The following NRG1 variants were observed in gnomAD, a reference collection of about 807,000 sequenced individuals.
NRG1 encodes the protein neuregulin 1.
NRG1 carries 18 observed loss-of-function variants against 63.8 expected under a neutral mutation model. The ratio of observed to expected loss-of-function variants is 0.28; its 90% CI spans 0.19 to 0.42. NRG1 has a LOEUF of 0.42. NRG1 is among the 10% of genes least tolerant of loss of function. NRG1 has a pLI of 1.00. For synonymous variants in NRG1, 302 were observed against 301.3 expected (o/e 1.00, Z -0.02); for missense variants, 762 against 814.7 (o/e 0.94, Z 0.79).
chr8:31,988,364 G>A (rs1242374890), intron 1 of NRG1, among the ~76,000 whole-genome samples: 1 of 151,978 alleles, frequency 6.6e-6, no homozygotes, highest in Admixed American at 6.6e-5. Context: ...AAAACTACTG[G>A]GTCCTCAATT....
chr8:32,193,704 T>C (rs184705712), intron 1 of NRG1, among the ~76,000 whole-genome samples: 1 of 152,092 alleles, frequency 6.6e-6, no homozygotes, highest in African/African-American at 2.4e-5. Context: ...TAACTCAGAA[T>C]AGAACCTTAT....
At chr8:32,362,803 A>C (rs961210615) in intron 1 of NRG1, among the ~76,000 whole-genome samples, 9 of 152,184 alleles carry the variant, frequency 5.9e-5, no homozygotes, top group Non-Finnish European at 1.3e-4. Flanking sequence ...TCTAATGAAA[A>C]ATCAGAAAAG....
chr8:32,165,157 G>A (rs963761741), intron 1 of NRG1, among the ~76,000 whole-genome samples: 1 of 148,546 alleles, frequency 6.7e-6, no homozygotes, highest in Non-Finnish European at 1.5e-5. Flanking sequence ...TTTTTTTTCA[G>A]AGACAGTATC....
In NRG1 at chr8:32,530,385, G is replaced by A. The variant is rs377001031; in HGVS notation, c.38-65443G>A. On this transcript the variant is annotated intron_variant, in intron 1 of 10. Transcript: ENST00000519301. The stretch of plus-strand genomic sequence containing the variant: ...GCCTCCCAAAGTGCTGGGATTACAG[G>A]CGTGAGCCACCGCGCCCAGCCAGCT... Among the ~76,000 whole-genome samples, 119 of 152,252 alleles carry A rather than the reference G, an allele frequency of 7.8e-4. 1 individual carries two copies. The highest frequency in any genetic ancestry group is 2.6e-3 in the African/African-American group (110 of 41,546).
At chr8:32,746,740 G>A (rs909970027) in intron 7 of NRG1, among the ~76,000 whole-genome samples, 9 of 152,060 alleles carry the variant, frequency 5.9e-5, no homozygotes, top group Non-Finnish European at 1.2e-4. Context: ...TTTGAAAAAT[G>A]TAGTGGCTAG....
At chr8:31,678,088 GTTAT>G (rs56884285) in intron 1 of NRG1, among the ~76,000 whole-genome samples, 26 of 150,082 alleles carry the variant, frequency 1.7e-4, no homozygotes, top group Non-Finnish European at 3.0e-4. Context: ...CTTTTAACTT[GTTAT>G]TTATTTATTT....
chr8:31,765,248 T>C (rs1399086012), intron 1 of NRG1, among the ~76,000 whole-genome samples: 1 of 152,156 alleles, frequency 6.6e-6, no homozygotes, highest in Non-Finnish European at 1.5e-5. Context: ...TTTGGGCTTT[T>C]CTAAACAGAA....
At chr8:32,364,266 G>A (rs1297683256) in intron 1 of NRG1, among the ~76,000 whole-genome samples, 4 of 151,678 alleles carry the variant, frequency 2.6e-5, no homozygotes, top group East Asian at 1.9e-4. Flanking sequence ...TTGCACAAAA[G>A]GTACAAGAAA....
intron 1 of NRG1, among the ~76,000 whole-genome samples, chr8:32,112,556 A>AT (rs1393883437): frequency 6.6e-6 from 1 of 152,186 alleles, no homozygotes; most frequent in East Asian, 1.9e-4. Flanking sequence ...TTCATTCTTG[A>AT]TAGTGAATTG....
At chr8:32,450,750 A>G (rs1820850460) in intron 1 of NRG1, among the ~76,000 whole-genome samples, 1 of 152,200 alleles carries the variant, frequency 6.6e-6, no homozygotes. Flanking sequence ...ATGAAGACAG[A>G]ATTCAATGAA....
intron 1 of NRG1, among the ~76,000 whole-genome samples, chr8:32,463,782 G>A (rs12542857): frequency 0.57 from 86,175 of 150,458 alleles, 25,074 homozygotes; most frequent in East Asian, 0.89. Flanking sequence ...TCAAGGCTAC[G>A]GTAAGCCATG....
At chr8:31,864,311 T>C (rs1338576219) in intron 1 of NRG1, among the ~76,000 whole-genome samples, 1 of 152,166 alleles carries the variant, frequency 6.6e-6, no homozygotes, top group African/African-American at 2.4e-5. Flanking sequence ...TACCTCTTAG[T>C]GCAGTAGAGA....
intron 1 of NRG1, among the ~76,000 whole-genome samples, chr8:31,651,764 G>A (rs1204240880): frequency 1.3e-5 from 2 of 152,136 alleles, no homozygotes; most frequent in Non-Finnish European, 2.9e-5. Flanking sequence ...GGATGGGCAG[G>A]GCTTAGCTGG....
At chr8:32,232,515 T>A (rs1244551546) in intron 1 of NRG1, among the ~76,000 whole-genome samples, 2 of 152,126 alleles carry the variant, frequency 1.3e-5, no homozygotes, top group Admixed American at 6.5e-5. Context: ...AGCATAGAGT[T>A]GCTGGGATAT....
intron 1 of NRG1, among the ~76,000 whole-genome samples, chr8:31,762,083 T>G (rs1346672880): frequency 6.6e-6 from 1 of 152,218 alleles, no homozygotes; most frequent in Non-Finnish European, 1.5e-5. Flanking sequence ...ATTTCTTTTC[T>G]TTTTTTAAAA....
chr8:31,833,938 G>A lies in NRG1; in HGVS notation c.37+194507G>A, dbSNP rs539702123. On this transcript the variant is annotated intron_variant, in intron 1 of 10. Coordinates refer to the NRG1 transcript ENST00000519301. ...TTTTAAGCATTTTGGCAAATCAATA[G>A]GGGAGATATTTTCAAACCAGCATGA... Among the ~76,000 whole-genome samples the A allele has an allele frequency of 8.5e-5, 13 of 152,266 alleles. No homozygotes were observed. The South Asian group carries it at 2.7e-3, about 32-fold the overall frequency.
At chr8:32,398,766 G>T (rs1812780949) in intron 1 of NRG1, among the ~76,000 whole-genome samples, 1 of 152,124 alleles carries the variant, frequency 6.6e-6, no homozygotes, top group Non-Finnish European at 1.5e-5. Flanking sequence ...ATGCTGAACA[G>T]TTGGCCTGGG....
chr8:31,991,303 TTCC>T (rs1563656252), intron 1 of NRG1, among the ~76,000 whole-genome samples: 1 of 151,610 alleles, frequency 6.6e-6, no homozygotes, highest in African/African-American at 2.4e-5. Context: ...CTTCTTCTTC[TTCC>T]TCCTCTTCTT....
At chr8:32,484,004 G>A (rs2129493653) in intron 1 of NRG1, among the ~76,000 whole-genome samples, 1 of 151,966 alleles carries the variant, frequency 6.6e-6, no homozygotes, top group Non-Finnish European at 1.5e-5. Flanking sequence ...TAGGGAGGCT[G>A]AGGCAGAAGA....
Sources: gnomAD v4.1 joint callset for allele counts (sites outside exome capture counted in the v4.1 genomes callset) on GRCh38, gnomAD v4.1.1 for gene constraint, MANE v1.5 for transcripts, NCBI Gene and HGNC (gene_info 2026-07-23, HGNC 2026-07-21) for gene names.